CHD6: variants seen among roughly 807,000 people sequenced by gnomAD.
CHD6 encodes the protein ATP-dependent chromatin remodeler CHD6.
In CHD6, 50 loss-of-function variants were observed where a neutral mutation model predicts 276.9. The observed-to-expected ratio is 0.18, with a 90% CI of 0.14 to 0.23. CHD6 has a LOEUF of 0.23. Ranked by LOEUF, CHD6 falls within the 10% of genes least tolerant of loss-of-function variation. CHD6 has a pLI of 1.00. For synonymous variants in CHD6, 1,173 were observed against 1,229.3 expected (o/e 0.95, Z 0.96); for missense variants, 2,564 against 3,365.8 (o/e 0.76, Z 5.89).
chr20:41,430,381 C>T (rs1030460959), intron 27 of CHD6, among the ~76,000 whole-genome samples: 26 of 152,154 alleles, frequency 1.7e-4, no homozygotes, highest in Non-Finnish European at 8.8e-5. Flanking sequence ...CTGCCATGGC[C>T]CTCCAGTGTC....
intron 14 of CHD6, chr20:41,486,150 A>C (rs1458301399): frequency 1.3e-5 from 2 of 152,174 alleles, no homozygotes; most frequent in African/African-American, 4.8e-5. Context: ...AAGAGAAAAG[A>C]CACAGCTAGC....
intron 1 of CHD6, among the ~76,000 whole-genome samples, chr20:41,558,911 T>C (rs893067566): frequency 1.3e-5 from 2 of 152,146 alleles, no homozygotes; most frequent in Non-Finnish European, 2.9e-5. Context: ...CAGGTACTTA[T>C]TACTCCCTGA....
intron 1 of CHD6, among the ~76,000 whole-genome samples, chr20:41,598,173 T>G (rs1365958287): frequency 6.6e-6 from 1 of 152,168 alleles, no homozygotes; most frequent in Non-Finnish European, 1.5e-5. Context: ...TTTCCCAAAA[T>G]TCCTCCCTTC....
chr20:41,499,784 A>T (rs762966812), intron 5 of CHD6, among the ~76,000 whole-genome samples: 1 of 152,218 alleles, frequency 6.6e-6, no homozygotes, highest in Non-Finnish European at 1.5e-5. Flanking sequence ...GTCTCCAAAT[A>T]TATTAAAATA....
chr20:41,415,217 A>G lies in CHD6; in HGVS notation c.6908T>C (p.Leu2303Ser), dbSNP rs746145698. The change falls in exon 34 of 37, where the codon TTG becomes TCG. Residue 2303 changes from leucine to serine, a missense_variant. By Grantham distance (145) the Leu-to-Ser change is moderately radical (BLOSUM62 -2). This residue lies in a region of CHD6 where 1,024 missense variants were observed against 1,047.9 expected (regional missense o/e 0.98). Transcript: ENST00000373233. ...TCCCGCCTGAAGTGTCTGCTCCTTC[A>G]AAAAGATGAGGTCCATCCCTCCTTC... ...HVEGGMDLIF[L>S]KEQTLQAGIL... The G allele has an allele frequency of 1.2e-6, 2 of 1,613,964 alleles. No individual in the cohort carries two copies. The highest frequency in any genetic ancestry group is 1.7e-5 in the Admixed American group (1 of 60,004).
intron 1 of CHD6, among the ~76,000 whole-genome samples, chr20:41,591,527 C>A (rs1305106127): frequency 6.6e-6 from 1 of 151,622 alleles, no homozygotes; most frequent in Non-Finnish European, 1.5e-5. Context: ...TCCGTCTCTA[C>A]TAAAAAATAA....
chr20:41,497,798 T>TG, intron 7 of CHD6: 1 of 458,350 alleles, frequency 2.2e-6, no homozygotes, highest in Non-Finnish European at 4.0e-6. Context: ...AAAGTGGGTC[T>TG]GTAGCAGAAA....
At position 41,504,708 on chromosome 20, in the gene CHD6, C is replaced by T. The variant is rs74654866; in HGVS notation, c.853-5351G>A. ...TTATAGGCACGAGCCACTGTGCTGG[C>T]GCCCTCTATTTTCTTTAACATTTTA... On this transcript the variant is annotated intron_variant, in intron 5 of 36. Coordinates refer to ENST00000373233, the MANE Select transcript of CHD6 (RefSeq NM_032221.5). 1.3e-4 allele frequency among the ~76,000 whole-genome samples: 20 copies of T among 152,172 alleles called. No individual in the cohort carries two copies. In the East Asian group the frequency reaches 2.3e-3, roughly 18 times the overall value.
Position 41,533,043 on chromosome 20 carries a change from A to T in CHD6, c.554+7T>A. 2 of 1,576,064 alleles carry T rather than the reference A, an allele frequency of 1.3e-6. No individual in the cohort carries two copies. Among genetic ancestry groups the T allele is most frequent in the Non-Finnish European group, 1.7e-6 (2 of 1,167,182 alleles). On this transcript the variant is annotated splice_region_variant and intron_variant, in intron 3 of 36. Transcript: ENST00000373233. ...CAAGTGCTCAGAGAAGGGAGAAAGGAACGTACCTGGCCTTCCTGGACTTCG... is the reference window on the plus strand; with the variant it reads ...CAAGTGCTCAGAGAAGGGAGAAAGGTACGTACCTGGCCTTCCTGGACTTCG...
intron 34 of CHD6, 83 bp downstream of exon 34, chr20:41,415,103 A>G (rs1473639076): frequency 6.7e-7 from 1 of 1,501,396 alleles, no homozygotes; most frequent in South Asian, 1.3e-5. Context: ...AAGATCCACA[A>G]ATTATTTTGC....
chr20:41,421,300 G>C lies in CHD6; in HGVS notation c.5335C>G (p.His1779Asp). The change falls in exon 31 of 37, where the codon CAT (histidine) becomes GAT (aspartate). Residue 1779 changes from histidine to aspartate, a missense_variant. Transcript: ENST00000373233. ...VAQANIKNGK[H>D]LLMSISKEGE... ...TCCTTTGAAATAGACATCAACAAATGTTTTCCATTTTTGATGTTTGCTTGA... is the reference window on the plus strand; with the variant it reads ...TCCTTTGAAATAGACATCAACAAATCTTTTCCATTTTTGATGTTTGCTTGA... 1 of 1,614,086 alleles carries C rather than the reference G, an allele frequency of 6.2e-7. No individual in the cohort carries two copies. Among genetic ancestry groups the C allele is most frequent in the Admixed American group, 1.7e-5 (1 of 60,024 alleles).
At chr20:41,525,008 T>G (rs138658718) in intron 3 of CHD6, among the ~76,000 whole-genome samples, 1 of 152,246 alleles carries the variant, frequency 6.6e-6, no homozygotes, top group Non-Finnish European at 1.5e-5. Flanking sequence ...GGGTCTTCAG[T>G]AGACTGATTT....
rs1053285979 is a variant in CHD6, at chr20:41,423,608, T to C, written c.4439A>G (p.Gln1480Arg). 3 of 1,614,134 alleles carry C rather than the reference T, an allele frequency of 1.9e-6. No individual in the cohort carries two copies. Among genetic ancestry groups the C allele is most frequent in the Admixed American group, 3.3e-5 (2 of 60,014 alleles). Residue 1480 changes from glutamine to arginine, a missense_variant, in exon 30 of 37, where the codon CAG becomes CGG. Gln to Arg is a conservative substitution (Grantham distance 43). Coordinates refer to ENST00000373233, the MANE Select transcript of CHD6 (RefSeq NM_032221.5). ...GTCCAAACGGGAAATGATGCGGAAC[T>C]GTGTCCAGTCAAAGGTTTTCTTTTC... ...DQEKKTFDWT[Q>R]FRIISRLDKK...
At chr20:41,586,479 T>C (rs530466360) in intron 1 of CHD6, among the ~76,000 whole-genome samples, 5 of 152,334 alleles carry the variant, frequency 3.3e-5, no homozygotes, top group Admixed American at 1.3e-4. Context: ...AACAGAGCTA[T>C]AGAACTCACT....
intron 16 of CHD6, among the ~76,000 whole-genome samples, chr20:41,474,697 T>G (rs2043133339): frequency 6.6e-6 from 1 of 152,136 alleles, no homozygotes; most frequent in Non-Finnish European, 1.5e-5. Flanking sequence ...ATAGATAACC[T>G]AGGGGTAGAT....
intron 2 of CHD6, chr20:41,547,476 G>C (rs527933878): frequency 1.4e-5 from 5 of 362,360 alleles, no homozygotes; most frequent in South Asian, 1.1e-4. Flanking sequence ...GAGGTGCACC[G>C]GGGGTGAAGT....
rs950263161 is a variant in CHD6 at position 41,452,413 on chromosome 20, C to T, written c.3323+327G>A. On this transcript the variant is annotated intron_variant, in intron 21 of 36. Coordinates refer to ENST00000373233, the MANE Select transcript of CHD6 (RefSeq NM_032221.5). This position sits in a 1 kb window ranked among gnomAD's most constrained non-coding sequence, Gnocchi z 4.2. ...AAGCCCTGCACGAATCATGCCTTGG[C>T]GATAACATGTGTTGTGTGGACTCCT... Among the ~76,000 whole-genome samples, 3 of 152,186 alleles carry T rather than the reference C, an allele frequency of 2.0e-5. No homozygotes were observed. Among genetic ancestry groups the T allele is most frequent in the African/African-American group, 4.8e-5 (2 of 41,438 alleles).
chr20:41,450,899 A>C (rs1424367759), intron 23 of CHD6, 47 bp downstream of exon 23: 3 of 1,562,808 alleles, frequency 1.9e-6, no homozygotes, highest in Non-Finnish European at 2.6e-6. Flanking sequence ...GAATCGAAGC[A>C]GTCTGAGCCG....
At chr20:41,592,074 G>C (rs1458970489) in intron 1 of CHD6, among the ~76,000 whole-genome samples, 1 of 152,148 alleles carries the variant, frequency 6.6e-6, no homozygotes, top group African/African-American at 2.4e-5. Context: ...ACTCCAGCCT[G>C]GGCGACAGAG....
Sources: gnomAD v4.1 joint callset for allele counts (sites outside exome capture counted in the v4.1 genomes callset) on GRCh38, gnomAD v4.1.1 for gene constraint, gnomAD v4.1.1 regional missense constraint, Gnocchi (gnomAD v3.1) non-coding constraint, MANE v1.5 for transcripts, NCBI Gene and HGNC (gene_info 2026-07-23, HGNC 2026-07-21) for gene names.